Variants in MACROD2 observed in about 807,000 individuals in gnomAD.
MACROD2 encodes ADP-ribose glycohydrolase MACROD2.
MACROD2 carries 36 observed loss-of-function variants against 70.4 expected under a neutral mutation model. That is an observed-to-expected ratio of 0.51 (90% CI 0.39 to 0.68). The LOEUF is 0.68. Ranked by LOEUF, MACROD2 falls within the 30% of genes least tolerant of loss-of-function variation. The probability of loss-of-function intolerance (pLI) is 0.00; values close to 1 mark genes in which losing one functional copy is unlikely to be tolerated. For synonymous variants in MACROD2, 172 were observed against 178.8 expected (o/e 0.96, Z 0.30); for missense variants, 496 against 538.4 (o/e 0.92, Z 0.78).
At chr20:15,847,544 G>A (rs987041232) in intron 8 of MACROD2, among the ~76,000 whole-genome samples, 1 of 152,126 alleles carries the variant, frequency 6.6e-6, no homozygotes, top group African/African-American at 2.4e-5. Flanking sequence ...AGTGAAAACC[G>A]AGAAACAGCC....
At chr20:15,989,883 TTG>T (rs1157552815) in intron 15 of MACROD2, among the ~76,000 whole-genome samples, 6 of 152,082 alleles carry the variant, frequency 3.9e-5, no homozygotes, top group African/African-American at 1.4e-4. Context: ...TCTCTCTTTT[TTG>T]TAGCATTTTA....
intron 8 of MACROD2, among the ~76,000 whole-genome samples, chr20:15,733,617 A>G (rs765720020): frequency 1.3e-5 from 2 of 152,184 alleles, no homozygotes; most frequent in Non-Finnish European, 2.9e-5. Context: ...TCATTGACGT[A>G]GACTTAACAC....
intron 3 of MACROD2, among the ~76,000 whole-genome samples, chr20:14,243,224 C>T (rs192621183): frequency 1.8e-3 from 275 of 152,280 alleles, no homozygotes; most frequent in Middle Eastern, 6.8e-3. Context: ...AGCTTTTGTG[C>T]TCTTTTGCAT....
rs1385680343 is a variant in MACROD2 at position 15,115,927 on chromosome 20, T to A, written c.419-114013T>A. On this transcript the variant is annotated intron_variant, in intron 5 of 17. Coordinates refer to ENST00000684519, the MANE Select transcript of MACROD2 (RefSeq NM_001351661.2). The stretch of plus-strand genomic sequence containing the variant: ...TCTTCAAAGTGAGTGTGTAAAGACT[T>A]CTATTTCCTGGCTGGAAACATCAAA... Among the ~76,000 whole-genome samples, 3 of 152,164 alleles carry A rather than the reference T, an allele frequency of 2.0e-5. No individual in the cohort carries two copies. The South Asian group carries it at 6.2e-4, about 32-fold the overall frequency.
intron 5 of MACROD2, among the ~76,000 whole-genome samples, chr20:15,195,917 C>G (rs1217962969): frequency 6.6e-6 from 1 of 152,182 alleles, no homozygotes; most frequent in Non-Finnish European, 1.5e-5. Context: ...GGAACGAGAT[C>G]TTGTCTGTTG....
At chr20:14,397,816 T>C (rs1250611031) in intron 3 of MACROD2, among the ~76,000 whole-genome samples, 1 of 152,180 alleles carries the variant, frequency 6.6e-6, no homozygotes, top group Non-Finnish European at 1.5e-5. Context: ...CACAGTGCCA[T>C]AGAACACTAG....
intron 10 of MACROD2, among the ~76,000 whole-genome samples, chr20:15,907,711 G>T (rs1201707140): frequency 6.6e-6 from 1 of 152,146 alleles, no homozygotes; most frequent in Non-Finnish European, 1.5e-5. Flanking sequence ...TCTCATTGGT[G>T]GTTCCGCTAG....
chr20:14,419,845 A>G (rs1002215918), intron 3 of MACROD2, among the ~76,000 whole-genome samples: 1 of 152,040 alleles, frequency 6.6e-6, no homozygotes. Flanking sequence ...TCAATATATC[A>G]TGGGCATTTT....
chr20:14,213,428 A>C (rs2081587904), intron 3 of MACROD2, among the ~76,000 whole-genome samples: 1 of 130,858 alleles, frequency 7.6e-6, no homozygotes, highest in Non-Finnish European at 1.6e-5. Context: ...GCTTTTTGGT[A>C]CCAAGATCTG....
chr20:15,206,721 G>GTTTTTTTTTGTTTTTTTTTTTT (rs2076707346), intron 5 of MACROD2, among the ~76,000 whole-genome samples: 1 of 32,990 alleles, frequency 3.0e-5, no homozygotes, highest in African/African-American at 1.5e-4. Context: ...TATTATCTAT[G>GTTTTTTTTTGTTTTTTTTTTTT]TTTTTTTTTT....
At chr20:15,069,011 G>A (rs759497769) in intron 5 of MACROD2, among the ~76,000 whole-genome samples, 1 of 152,126 alleles carries the variant, frequency 6.6e-6, no homozygotes, top group African/African-American at 2.4e-5. Flanking sequence ...GACAGTGAAG[G>A]CCAGGCTGAC....
At chr20:14,819,990 T>C (rs1410418125) in intron 5 of MACROD2, among the ~76,000 whole-genome samples, 1 of 152,002 alleles carries the variant, frequency 6.6e-6, no homozygotes, top group Non-Finnish European at 1.5e-5. Context: ...TGAAGAGGAA[T>C]ATACCAAATG....
chr20:15,573,140 T>A (rs1344362302), intron 8 of MACROD2, among the ~76,000 whole-genome samples: 3 of 152,154 alleles, frequency 2.0e-5, no homozygotes, highest in Non-Finnish European at 2.9e-5. Flanking sequence ...GTTGGCATAG[T>A]TCATTCCAGT....
chr20:14,116,810 T>C (rs943390330), intron 3 of MACROD2, among the ~76,000 whole-genome samples: 2 of 152,172 alleles, frequency 1.3e-5, no homozygotes, highest in Non-Finnish European at 2.9e-5. Flanking sequence ...GACTCATGCC[T>C]GTAATCCCAG....
chr20:14,719,811 C>G (rs1383345437), intron 5 of MACROD2, among the ~76,000 whole-genome samples: 1 of 152,144 alleles, frequency 6.6e-6, no homozygotes, highest in East Asian at 1.9e-4. Context: ...AAGCTCCCAG[C>G]TAAAAACAGT....
intron 5 of MACROD2, among the ~76,000 whole-genome samples, chr20:15,010,850 A>C (rs1380218159): frequency 6.6e-6 from 1 of 152,168 alleles, no homozygotes; most frequent in Non-Finnish European, 1.5e-5. Flanking sequence ...CTCTTAGAAA[A>C]AGTTCACACC....
intron 5 of MACROD2, among the ~76,000 whole-genome samples, chr20:14,846,494 T>A (rs1410463756): frequency 6.6e-6 from 1 of 150,758 alleles, no homozygotes; most frequent in Non-Finnish European, 1.5e-5. Flanking sequence ...GACTTTACAC[T>A]TTTTGGGAGG....
At chr20:15,302,711 T>A (rs1343997820) in intron 6 of MACROD2, among the ~76,000 whole-genome samples, 1 of 152,236 alleles carries the variant, frequency 6.6e-6, no homozygotes. Flanking sequence ...TATTTAATTT[T>A]AATAGATGTT....
At chr20:15,585,835 C>T (rs2048592277) in intron 8 of MACROD2, among the ~76,000 whole-genome samples, 1 of 151,932 alleles carries the variant, frequency 6.6e-6, no homozygotes. Context: ...GAATTTGTAT[C>T]TCAGGGTGTG....
Sources: gnomAD v4.1 joint callset for allele counts (sites outside exome capture counted in the v4.1 genomes callset) on GRCh38, gnomAD v4.1.1 for gene constraint, MANE v1.5 for transcripts, NCBI Gene and HGNC (gene_info 2026-07-23, HGNC 2026-07-21) for gene names.